The following HNRNPM variants were observed in gnomAD, a reference collection of about 807,000 sequenced individuals.
HNRNPM encodes the protein heterogeneous nuclear ribonucleoprotein M.
In HNRNPM, 11 loss-of-function variants were observed where a neutral mutation model predicts 73.1. The observed-to-expected ratio is 0.15, with a 90% CI of 0.09 to 0.25. HNRNPM has a LOEUF of 0.25. Among genes scored for constraint, HNRNPM ranks in the 10% least tolerant of loss-of-function variants. The pLI is 1.00. For synonymous variants in HNRNPM, 407 were observed against 355.2 expected (o/e 1.15, Z -1.64); for missense variants, 789 against 1,067.9 (o/e 0.74, Z 3.64).
At position 8,474,164 on chromosome 19, in the gene HNRNPM, C is replaced by T; in HGVS notation, c.1043-3C>T. 3 of 1,583,932 alleles carry T rather than the reference C, an allele frequency of 1.9e-6. No homozygotes were observed. Among genetic ancestry groups the T allele is most frequent in the Non-Finnish European group, 2.6e-6 (3 of 1,166,946 alleles). ...GATGCTGAAATGTGAACCTCTCTTG[C>T]AGGAATGGAGGGGCCCTTTGGTGGT... On this transcript the variant is annotated splice_polypyrimidine_tract_variant and splice_region_variant and intron_variant, in intron 11 of 15. Transcript: ENST00000325495.
chr19:8,485,488 A>G, intron 13 of HNRNPM, 115 bp from the exon 14 acceptor site: 1 of 1,063,632 alleles, frequency 9.4e-7, no homozygotes. Context: ...TTAATGGTAA[A>G]TTATGGTGGG....
At chr19:8,456,977 T>TAAA (rs1006015939) in intron 2 of HNRNPM, among the ~76,000 whole-genome samples, 56 of 152,190 alleles carry the variant, frequency 3.7e-4, no homozygotes, top group Non-Finnish European at 8.8e-5. Context: ...AAGCTTAGAA[T>TAAA]TTCTGTACAG....
chr19:8,455,116 A>C (rs1968914579), intron 1 of HNRNPM, among the ~76,000 whole-genome samples: 1 of 152,006 alleles, frequency 6.6e-6, no homozygotes, highest in South Asian at 2.1e-4. Flanking sequence ...CTAGTACTGC[A>C]AGTGCACCAC....
chr19:8,453,546 G>T, intron 1 of HNRNPM, among the ~76,000 whole-genome samples: 1 of 152,184 alleles, frequency 6.6e-6, no homozygotes, highest in South Asian at 2.1e-4. Context: ...TTCAGTTAAA[G>T]ATACTTTTAT....
At chr19:8,487,143 C>T in intron 15 of HNRNPM, 68 bp downstream of exon 15, 1 of 1,303,958 alleles carries the variant, frequency 7.7e-7, no homozygotes, top group Non-Finnish European at 1.1e-6. Flanking sequence ...GAGTCAGCAG[C>T]AAAACCTCCC....
chr19:8,485,749 A>G lies in HNRNPM; in HGVS notation c.1321A>G (p.Met441Val), dbSNP rs1204889691. The G allele has an allele frequency of 5.0e-6, 8 of 1,604,762 alleles. No homozygotes were observed. Among genetic ancestry groups the G allele is most frequent in the Admixed American group, 1.7e-5 (1 of 59,902 alleles). The stretch of plus-strand genomic sequence containing the variant: ...CGAGATCGAGCGCATGGGCCTGGTC[A>G]TGGACCGCATGGGCTCCGTGGAGCG... ...GSEIERMGLV[M>V]DRMGSVERMG... is the part of the protein sequence containing the mutation. The change falls in exon 14 of 16, where the codon ATG becomes GTG. Residue 441 changes from methionine (M) to valine (V), a missense_variant. Met to Val is a conservative substitution (Grantham distance 21). This residue lies in a region of HNRNPM where 604 missense variants were observed against 744.0 expected (regional missense o/e 0.81). Coordinates refer to ENST00000325495, the MANE Select transcript of HNRNPM (RefSeq NM_005968.5).
chr19:8,478,387 C>T (rs751338579), intron 12 of HNRNPM, among the ~76,000 whole-genome samples: 10 of 152,028 alleles, frequency 6.6e-5, no homozygotes, highest in Non-Finnish European at 8.8e-5. Context: ...GGTGATTTTT[C>T]CACAGAGATG....
intron 1 of HNRNPM, among the ~76,000 whole-genome samples, chr19:8,454,908 C>T (rs1968896566): frequency 6.6e-6 from 1 of 152,114 alleles, no homozygotes; most frequent in South Asian, 2.1e-4. Context: ...TGTACCTTTC[C>T]TTGGGAATGC....
intron 12 of HNRNPM, among the ~76,000 whole-genome samples, chr19:8,478,633 A>G (rs1195693463): frequency 6.6e-6 from 1 of 152,170 alleles, no homozygotes; most frequent in Non-Finnish European, 1.5e-5. Flanking sequence ...AGACCTAGGT[A>G]AAAAATTTAG....
chr19:8,465,910 G>C (rs1217652961), intron 6 of HNRNPM, among the ~76,000 whole-genome samples: 3 of 152,174 alleles, frequency 2.0e-5, no homozygotes, highest in African/African-American at 7.2e-5. Flanking sequence ...TTAGAATAAA[G>C]TAGGTTGGGT....
chr19:8,466,520 G>A, intron 7 of HNRNPM, 132 bp downstream of exon 7: 1 of 950,906 alleles, frequency 1.1e-6, no homozygotes, highest in Non-Finnish European at 1.6e-6. Flanking sequence ...GTGCATTACT[G>A]TGGAATTAAG....
At chr19:8,467,362 T>G (rs532183223) in intron 7 of HNRNPM, among the ~76,000 whole-genome samples, 173 bp from the exon 8 acceptor site, 54 of 152,346 alleles carry the variant, frequency 3.5e-4, no homozygotes, top group African/African-American at 1.3e-3. Flanking sequence ...CCCCGCCAGC[T>G]TTATTTATTG....
At chr19:8,457,470 T>C (rs1969101900) in intron 2 of HNRNPM, among the ~76,000 whole-genome samples, 1 of 152,202 alleles carries the variant, frequency 6.6e-6, no homozygotes, top group Admixed American at 6.5e-5. Context: ...GGTGGTGTAA[T>C]TTAGAATTAC....
chr19:8,477,773 C>G (rs1239130111), intron 12 of HNRNPM, among the ~76,000 whole-genome samples: 1 of 151,834 alleles, frequency 6.6e-6, no homozygotes, highest in Non-Finnish European at 1.5e-5. Flanking sequence ...GCAGAGAGGT[C>G]TTTCTGTGCA....
chr19:8,481,203 C>A (rs1482609801), intron 12 of HNRNPM, among the ~76,000 whole-genome samples: 2 of 152,140 alleles, frequency 1.3e-5, no homozygotes, highest in African/African-American at 4.8e-5. Flanking sequence ...TGGTCTTTGG[C>A]CTTCAAGGAT....
At chr19:8,474,360 C>T in intron 12 of HNRNPM, 116 bp downstream of exon 12, 2 of 600,440 alleles carry the variant, frequency 3.3e-6, no homozygotes, top group East Asian at 3.1e-5. Context: ...GCTTTTCAAC[C>T]GAATCAAATG....
At chr19:8,488,646 C>A in intron 15 of HNRNPM, 45 bp from the exon 16 acceptor site, 2 of 1,573,312 alleles carry the variant, frequency 1.3e-6, no homozygotes, top group Non-Finnish European at 8.7e-7. Flanking sequence ...CAAAATCTAA[C>A]AAAATCGGGA....
chr19:8,453,336 T>A (rs1046897491), intron 1 of HNRNPM, among the ~76,000 whole-genome samples: 1 of 151,610 alleles, frequency 6.6e-6, no homozygotes, highest in Non-Finnish European at 1.5e-5. Context: ...AGATGGAGTT[T>A]CAGCATGTTG....
intron 2 of HNRNPM, among the ~76,000 whole-genome samples, chr19:8,458,639 C>T (rs1004406932): frequency 4.6e-5 from 7 of 152,234 alleles, no homozygotes; most frequent in African/African-American, 1.7e-4. Context: ...GTAGTTTACC[C>T]TCAGTCGATC....
Sources: gnomAD v4.1 joint callset for allele counts (sites outside exome capture counted in the v4.1 genomes callset) on GRCh38, gnomAD v4.1.1 for gene constraint, gnomAD v4.1.1 regional missense constraint, MANE v1.5 for transcripts, NCBI Gene and HGNC (gene_info 2026-07-23, HGNC 2026-07-21) for gene names.